PCDHGB6: variants seen among roughly 807,000 people sequenced by gnomAD.
The protein encoded by PCDHGB6 is protocadherin gamma subfamily B, 6.
Under a neutral mutation model 59.1 loss-of-function variants are expected in PCDHGB6, and 51 were observed. That is an observed-to-expected ratio of 0.86 (90% confidence interval 0.69 to 1.09). The LOEUF (loss-of-function observed/expected upper bound fraction) is 1.09, where lower values mean the gene tolerates loss of function less well. PCDHGB6 is among the 50% of genes least tolerant of loss of function. The probability of loss-of-function intolerance (pLI) is 0.00; values close to 1 mark genes in which losing one functional copy is unlikely to be tolerated. For missense variants in PCDHGB6, 1,148 were observed against 1,205.1 expected (o/e 0.95, Z 0.70); for synonymous variants, 466 against 495.1 (o/e 0.94, Z 0.78).
At position 141,477,577 on chromosome 5, in the gene PCDHGB6, G is replaced by T; in HGVS notation, c.2419-17230G>T. Reference sequence around the variant, plus strand: ...TAAGTGTCTGGGACCCCGACGCCCCGCAGAATGCTCGGCTTTCTTTCTTTC... The same window carrying T: ...TAAGTGTCTGGGACCCCGACGCCCCTCAGAATGCTCGGCTTTCTTTCTTTC... On this transcript the variant is annotated intron_variant, in intron 1 of 3. Transcript: ENST00000520790. The surrounding 1 kb of genome is among the most constrained non-coding windows in gnomAD (Gnocchi z 4.9). 1.2e-6 allele frequency: 2 copies of T among 1,614,124 alleles called. No homozygotes were observed. Among genetic ancestry groups the T allele is most frequent in the Non-Finnish European group, 1.7e-6 (2 of 1,180,020 alleles).
chr5:141,408,378 T>C lies in PCDHGB6; in HGVS notation c.176T>C (p.Leu59Pro), dbSNP rs1369625426. 28 of 1,613,884 alleles carry C rather than the reference T, an allele frequency of 1.7e-5. No homozygotes were observed. The South Asian group carries it at 3.0e-4, about 17-fold the overall frequency. The stretch of plus-strand genomic sequence containing the variant: ...GCTAAGGATCTAGGGCTCAGTGTCC[T>C]GGATGTGTCGGCTCGCAAGCTGCGA... ...NLAKDLGLSV[L>P]DVSARKLRVS... The change falls in exon 1 of 4, where the codon CTG (leucine) becomes CCG (proline). Residue 59 changes from leucine to proline, a missense_variant. Leu to Pro is a moderately conservative substitution (Grantham distance 98). Transcript: ENST00000520790.
At chr5:141,427,222 A>T (rs536161247) in intron 1 of PCDHGB6, 8 of 456,774 alleles carry the variant, frequency 1.8e-5, no homozygotes, top group Non-Finnish European at 3.5e-5. Flanking sequence ...CGTAGCAGTT[A>T]TACCATGAGA....
intron 1 of PCDHGB6, among the ~76,000 whole-genome samples, chr5:141,465,995 A>G (rs551920109): frequency 1.4e-3 from 208 of 151,976 alleles, no homozygotes; most frequent in African/African-American, 4.8e-3. Context: ...GGTGGCAGGC[A>G]CCTGTAGTCC....
intron 2 of PCDHGB6, among the ~76,000 whole-genome samples, chr5:141,499,496 T>C (rs1167360015): frequency 6.6e-6 from 1 of 152,182 alleles, no homozygotes; most frequent in East Asian, 1.9e-4. Flanking sequence ...CAGTTTAATA[T>C]GAAACATTTC....
intron 1 of PCDHGB6, among the ~76,000 whole-genome samples, chr5:141,448,196 A>G (rs753761675): frequency 1.3e-5 from 2 of 152,176 alleles, no homozygotes; most frequent in Non-Finnish European, 2.9e-5. Context: ...TACACTTACA[A>G]ACATTTTCTG....
chr5:141,410,366 G>T lies in PCDHGB6; in HGVS notation c.2164G>T (p.Ala722Ser). 1 of 1,613,774 alleles carries T rather than the reference G, an allele frequency of 6.2e-7. No homozygotes were observed. Among genetic ancestry groups the T allele is most frequent in the Non-Finnish European group, 8.5e-7 (1 of 1,179,844 alleles). The change falls in exon 1 of 4, where the codon GCT becomes TCT. Residue 722 changes from alanine to serine, a missense_variant. Physicochemically the swap from Ala to Ser is moderately conservative, Grantham distance 99. This residue lies in a region of PCDHGB6 where 283 missense variants were observed against 318.6 expected (regional missense o/e 0.89). Coordinates refer to ENST00000520790, the MANE Select transcript of PCDHGB6 (RefSeq NM_018926.3). Reference sequence around the variant, plus strand: ...GCGCCTGCGACGCTCTCTCAGCCCTGCTACTTGGGACTGCTTCCATCCTGG... The same window carrying T: ...GCGCCTGCGACGCTCTCTCAGCCCTTCTACTTGGGACTGCTTCCATCCTGG... ...ALRLRRSLSP[A>S]TWDCFHPGLC...
Position 141,409,022 on chromosome 5 carries a change from A to G in PCDHGB6, c.820A>G (p.Asn274Asp), listed in dbSNP as rs1258261622. 6.2e-7 allele frequency: 1 copy of G among 1,614,046 alleles called. No homozygotes were observed. The highest frequency in any genetic ancestry group is 8.5e-7 in the Non-Finnish European group (1 of 1,179,912). The change falls in exon 1 of 4, where the codon AAT (asparagine) becomes GAT (aspartate). Residue 274 changes from asparagine to aspartate, a missense_variant. By Grantham distance (23) the Asn-to-Asp change is conservative. Around this residue, in one of 5 missense-constraint regions of PCDHGB6, gnomAD observed 549 missense variants for 527.5 expected, o/e 1.04. Coordinates refer to ENST00000520790, the MANE Select transcript of PCDHGB6 (RefSeq NM_018926.3). ...VTATDQDEGV[N>D]AEINYYFRST... ...AGCCACTGACCAGGATGAGGGGGTC[A>G]ATGCTGAGATAAACTACTACTTCCG...
chr5:141,438,700 AC>A (rs2098052453), intron 1 of PCDHGB6, among the ~76,000 whole-genome samples: 1 of 144,406 alleles, frequency 6.9e-6, no homozygotes, highest in Non-Finnish European at 1.5e-5. Context: ...TTGCTCTGTC[AC>A]CCAGGCTGGA....
At position 141,419,770 on chromosome 5, in the gene PCDHGB6, G is replaced by A. The variant is rs1018272442; in HGVS notation, c.2418+9150G>A. On this transcript the variant is annotated intron_variant, in intron 1 of 3. Coordinates refer to ENST00000520790, the MANE Select transcript of PCDHGB6 (RefSeq NM_018926.3). ...TGCGTGCTTTGGGTGACAAGGACTC[G>A]GTCCGCCAGCGCCTGCTAGTCGCTG... 3.7e-6 allele frequency: 6 copies of A among 1,614,006 alleles called. No individual in the cohort carries two copies. The Admixed American group carries it at 6.7e-5, about 18-fold the overall frequency.
rs1409333356 is a variant in PCDHGB6 at position 141,418,996 on chromosome 5, T to C, written c.2418+8376T>C. On this transcript the variant is annotated intron_variant, in intron 1 of 3. Coordinates refer to ENST00000520790, the MANE Select transcript of PCDHGB6 (RefSeq NM_018926.3). ...CACGGGACCAAGACTCAGGGGAAAATGGGGAAGTCAGGTGTAGCTTAAGTA... is the reference window on the plus strand; with the variant it reads ...CACGGGACCAAGACTCAGGGGAAAACGGGGAAGTCAGGTGTAGCTTAAGTA... 3.3e-5 allele frequency: 54 copies of C among 1,613,756 alleles called. 1 individual carries two copies. The East Asian group carries it at 1.0e-3, about 30-fold the overall frequency.
chr5:141,470,721 AG>A (rs948288535), intron 1 of PCDHGB6, among the ~76,000 whole-genome samples: 2 of 152,098 alleles, frequency 1.3e-5, no homozygotes, highest in African/African-American at 4.8e-5. Flanking sequence ...TTTTTGAGTC[AG>A]GGTCTTGCTC....
chr5:141,427,320 G>A (rs920149276), intron 1 of PCDHGB6: 5 of 456,968 alleles, frequency 1.1e-5, no homozygotes, highest in Non-Finnish European at 1.8e-5. Context: ...CCCAGACGTG[G>A]TTTTTACTTC....
At chr5:141,457,719 G>T (rs1437841051) in intron 1 of PCDHGB6, among the ~76,000 whole-genome samples, 1 of 152,226 alleles carries the variant, frequency 6.6e-6, no homozygotes, top group Non-Finnish European at 1.5e-5. Context: ...GTTCCACAAG[G>T]AATTTCAGAT....
chr5:141,413,660 T>C (rs747874019), intron 1 of PCDHGB6: 5 of 1,613,752 alleles, frequency 3.1e-6, no homozygotes, highest in Non-Finnish European at 4.2e-6. Flanking sequence ...CCGGAAGCTA[T>C]TGATCCGGAT....
chr5:141,499,223 C>T (rs1478344280), intron 2 of PCDHGB6, among the ~76,000 whole-genome samples: 2 of 152,112 alleles, frequency 1.3e-5, no homozygotes, highest in African/African-American at 4.8e-5. Context: ...CCCTGCCCTG[C>T]AGCTGTCCCC....
chr5:141,423,332 C>G, intron 1 of PCDHGB6: 2 of 1,614,198 alleles, frequency 1.2e-6, no homozygotes, highest in Non-Finnish European at 1.7e-6. Flanking sequence ...GCCGCAGTCT[C>G]CTGCATCTTC....
chr5:141,413,033 T>G, intron 1 of PCDHGB6: 1 of 776,760 alleles, frequency 1.3e-6, no homozygotes, highest in Non-Finnish European at 2.0e-6. Context: ...ACAAACCGGC[T>G]GCTGGGCTGC....
chr5:141,504,583 A>G (rs1230825472), intron 2 of PCDHGB6, among the ~76,000 whole-genome samples: 1 of 146,622 alleles, frequency 6.8e-6, no homozygotes, highest in African/African-American at 2.5e-5. Flanking sequence ...CCATCTGCCC[A>G]GGATTCACAG....
At chr5:141,422,217 C>T (rs1207888890) in intron 1 of PCDHGB6, 2 of 1,563,582 alleles carry the variant, frequency 1.3e-6, no homozygotes, top group Admixed American at 2.0e-5. Context: ...GTCTCTTTAC[C>T]ACCACGACGA....
Sources: gnomAD v4.1 joint callset for allele counts (sites outside exome capture counted in the v4.1 genomes callset) on GRCh38, gnomAD v4.1.1 for gene constraint, gnomAD v4.1.1 regional missense constraint, Gnocchi (gnomAD v3.1) non-coding constraint, MANE v1.5 for transcripts, NCBI Gene and HGNC (gene_info 2026-07-23, HGNC 2026-07-21) for gene names.